Variants in VEPH1 observed in about 807,000 individuals in gnomAD.
The protein encoded by VEPH1 is ventricular zone expressed PH domain containing 1.
A neutral mutation model predicts 85.2 loss-of-function variants in VEPH1; 80 were observed. That is an observed-to-expected ratio of 0.94 (90% CI 0.78 to 1.13). VEPH1 has a LOEUF of 1.13. Among genes scored for constraint, VEPH1 ranks in the 50% most tolerant of loss-of-function variants. The probability of loss-of-function intolerance (pLI) is 0.00; values close to 1 mark genes in which losing one functional copy is unlikely to be tolerated. For missense variants in VEPH1, 955 were observed against 980.5 expected, an observed-to-expected ratio of 0.97 and a Z score of 0.35; for synonymous variants, 297 against 348.0, an observed-to-expected ratio of 0.85 and a Z score of 1.63.
chr3:157,457,075 T>A (rs1003283819), intron 4 of VEPH1, among the ~76,000 whole-genome samples: 2 of 152,170 alleles, frequency 1.3e-5, no homozygotes, highest in Non-Finnish European at 2.9e-5. Flanking sequence ...GTTCTCCTTA[T>A]AGAGATCTTT....
intron 9 of VEPH1, among the ~76,000 whole-genome samples, chr3:157,357,737 C>T (rs1725603976): frequency 6.6e-6 from 1 of 152,062 alleles, no homozygotes; most frequent in African/African-American, 2.4e-5. Context: ...AGGTGATCCG[C>T]CTGCCTTGGC....
At chr3:157,486,748 G>A (rs1046205215) in intron 2 of VEPH1, among the ~76,000 whole-genome samples, 2 of 152,082 alleles carry the variant, frequency 1.3e-5, no homozygotes, top group African/African-American at 4.8e-5. Context: ...ATAAGTATTA[G>A]CTATTATAAT....
chr3:157,349,094 C>T (rs1222612361), intron 9 of VEPH1, among the ~76,000 whole-genome samples: 10 of 152,196 alleles, frequency 6.6e-5, no homozygotes, highest in Admixed American at 6.5e-4. Context: ...CATAGCACTA[C>T]AGGCCAATAT....
intron 4 of VEPH1, among the ~76,000 whole-genome samples, chr3:157,451,842 G>T (rs899802872): frequency 6.6e-6 from 1 of 152,124 alleles, no homozygotes; most frequent in African/African-American, 2.4e-5. Context: ...AACCTTGGAA[G>T]AGCTGCAGAT....
At chr3:157,503,423 C>G (rs576096506), upstream of VEPH1, 1 of 152,350 alleles carries the variant, frequency 6.6e-6, no homozygotes, top group African/African-American at 2.4e-5. Flanking sequence ...TCTCCCTGAG[C>G]TGCCTGTCAA....
chr3:157,406,717 C>A (rs1411700534), intron 6 of VEPH1, among the ~76,000 whole-genome samples: 2 of 132,666 alleles, frequency 1.5e-5, no homozygotes, highest in African/African-American at 6.1e-5. Context: ...GAAGGAAAAA[C>A]AAGTGGCCAT....
intron 7 of VEPH1, among the ~76,000 whole-genome samples, chr3:157,377,475 G>A (rs1225189373): frequency 6.6e-6 from 1 of 151,690 alleles, no homozygotes; most frequent in African/African-American, 2.4e-5. Context: ...GTTGGGCCTT[G>A]ATATGGTTAT....
chr3:157,389,271 G>A (rs1207805184), intron 6 of VEPH1, among the ~76,000 whole-genome samples: 1 of 152,046 alleles, frequency 6.6e-6, no homozygotes, highest in Non-Finnish European at 1.5e-5. Flanking sequence ...CTTGTGGTTA[G>A]GAACACTAGA....
At chr3:157,310,849 G>A (rs1720030016) in intron 11 of VEPH1, among the ~76,000 whole-genome samples, 1 of 152,184 alleles carries the variant, frequency 6.6e-6, no homozygotes, top group Non-Finnish European at 1.5e-5. Flanking sequence ...ATTGGCTGAA[G>A]CAAGTCACAT....
chr3:157,338,151 C>T (rs1282644943), intron 9 of VEPH1, among the ~76,000 whole-genome samples: 5 of 152,076 alleles, frequency 3.3e-5, no homozygotes, highest in African/African-American at 4.8e-5. Flanking sequence ...ATAAATAGTT[C>T]CTATAATGTG....
At chr3:157,495,581 G>T in intron 1 of VEPH1, 75 bp from the exon 2 acceptor site, 1 of 941,022 alleles carries the variant, frequency 1.1e-6, no homozygotes, top group South Asian at 3.7e-5. Context: ...TCAGTGTCCA[G>T]CGGAGAGAGA....
chr3:157,444,369 A>T (rs1734380967), intron 4 of VEPH1, among the ~76,000 whole-genome samples: 1 of 152,250 alleles, frequency 6.6e-6, no homozygotes, highest in Non-Finnish European at 1.5e-5. Context: ...GATTGGACTC[A>T]GTGCCTTTCA....
intron 2 of VEPH1, among the ~76,000 whole-genome samples, chr3:157,475,890 G>A (rs184402977): frequency 6.6e-6 from 1 of 152,226 alleles, no homozygotes; most frequent in African/African-American, 2.4e-5. Flanking sequence ...GAATGGCCAA[G>A]GGCCTGAAAA....
intron 6 of VEPH1, among the ~76,000 whole-genome samples, chr3:157,411,975 G>A (rs1731568009): frequency 6.6e-6 from 1 of 152,132 alleles, no homozygotes; most frequent in African/African-American, 2.4e-5. Context: ...ACTCGATCAC[G>A]AGGGTGGATT....
intron 4 of VEPH1, chr3:157,436,985 G>A: frequency 6.2e-7 from 1 of 1,613,944 alleles, no homozygotes; most frequent in Non-Finnish European, 8.5e-7. Flanking sequence ...AGTGTTGGCC[G>A]AGAACTCGGA....
At chr3:157,450,402 G>C (rs1734876015) in intron 4 of VEPH1, among the ~76,000 whole-genome samples, 1 of 151,928 alleles carries the variant, frequency 6.6e-6, no homozygotes. Flanking sequence ...CATTTTTCTA[G>C]AGATAATGAT....
intron 7 of VEPH1, 103 bp from the exon 8 acceptor site, chr3:157,364,615 C>T: frequency 8.8e-7 from 1 of 1,140,366 alleles, no homozygotes; most frequent in East Asian, 2.4e-5. Flanking sequence ...AAAAGCTTTG[C>T]CTGATAATTT....
At chr3:157,471,401 T>C (rs1414234921) in intron 2 of VEPH1, among the ~76,000 whole-genome samples, 1 of 152,224 alleles carries the variant, frequency 6.6e-6, no homozygotes, top group East Asian at 1.9e-4. Flanking sequence ...TGAAAATTTC[T>C]GAGACAAAGG....
Position 157,363,499 on chromosome 3 carries a change from G to T in VEPH1, c.1600C>A (p.Pro534Thr), listed in dbSNP as rs1726286230. Residue 534 changes from proline to threonine, a missense_variant, in exon 9 of 14, where the codon CCA becomes ACA. By Grantham distance (38) the Pro-to-Thr change is conservative. Coordinates refer to ENST00000362010, the MANE Select transcript of VEPH1 (RefSeq NM_001167912.2). ...TCTATAGGACTTGCAGTTGTCTCTG[G>T]AGTTTCTTCCTGGGAGTTTTCTTTA... ...TVKENSQEETPETTASPIEYQ... is the reference protein window; with the variant it reads ...TVKENSQEETTETTASPIEYQ... The T allele has an allele frequency of 8.1e-6, 13 of 1,614,060 alleles. No homozygotes were observed. The highest frequency in any genetic ancestry group is 1.1e-5 in the Non-Finnish European group (13 of 1,179,990).
Sources: allele counts gnomAD v4.1 joint callset (sites outside exome capture counted in the v4.1 genomes callset), GRCh38; gene constraint gnomAD v4.1.1; transcripts MANE v1.5; gene names NCBI Gene and HGNC (gene_info 2026-07-23, HGNC 2026-07-21).